The following HABP4 variants were observed in gnomAD, a reference collection of about 807,000 sequenced individuals.
The protein encoded by HABP4 is intracellular hyaluronan-binding protein 4.
In HABP4, 32 loss-of-function variants were observed where a neutral mutation model predicts 44.1. The observed-to-expected ratio is 0.73, with a 90% CI of 0.55 to 0.97. The LOEUF (loss-of-function observed/expected upper bound fraction) is 0.97. Ranked by LOEUF, HABP4 falls within the 50% of genes least tolerant of loss-of-function variation. The probability of loss-of-function intolerance (pLI) is 0.00; values close to 1 mark genes in which losing one functional copy is unlikely to be tolerated. For missense variants in HABP4, 503 were observed against 561.9 expected (o/e 0.90, Z 1.06); for synonymous variants, 216 against 218.0 (o/e 0.99, Z 0.08).
chr9:96,453,860 A>T (rs1256062173), intron 1 of HABP4, among the ~76,000 whole-genome samples: 2 of 152,132 alleles, frequency 1.3e-5, no homozygotes, highest in Non-Finnish European at 2.9e-5. Context: ...GGCAGTGTTG[A>T]TCTCTTAGTA....
At chr9:96,470,802 G>A (rs1288203783) in intron 4 of HABP4, among the ~76,000 whole-genome samples, 2 of 151,186 alleles carry the variant, frequency 1.3e-5, no homozygotes, top group Admixed American at 1.3e-4. Context: ...GAGGCTGAGG[G>A]AGGAGAATCA....
chr9:96,490,239 A>G lies in HABP4; in HGVS notation c.*201A>G. The G allele has an allele frequency of 3.4e-6, 2 of 586,904 alleles. No homozygotes were observed. The highest frequency in any genetic ancestry group is 4.3e-5 in the South Asian group (2 of 46,056). The allele number at this position is 586,904 out of a possible 1,614,324, so 36.4% of individuals were successfully genotyped here. On this transcript the variant is annotated 3_prime_UTR_variant, in exon 8 of 8. Transcript: ENST00000375249. ...AGCAGGCCATTTCCCAAGAAGATGA[A>G]GAATGGTGACTGTGTTTTTATTGAA... is the stretch of plus-strand genomic sequence containing the variant.
chr9:96,476,186 T>A (rs1564166438), intron 5 of HABP4, among the ~76,000 whole-genome samples: 1 of 152,192 alleles, frequency 6.6e-6, no homozygotes, highest in Non-Finnish European at 1.5e-5. Context: ...GGAACTTGCC[T>A]CTTCTATTTA....
At chr9:96,453,087 ATT>A (rs898977695) in intron 1 of HABP4, among the ~76,000 whole-genome samples, 1 of 92,576 alleles carries the variant, frequency 1.1e-5, no homozygotes, top group Non-Finnish European at 2.1e-5. Flanking sequence ...TGCCCGGCTA[ATT>A]TTTTTTTTTT....
At chr9:96,463,525 G>C (rs1168727113) in intron 2 of HABP4, among the ~76,000 whole-genome samples, 1 of 152,160 alleles carries the variant, frequency 6.6e-6, no homozygotes, top group Admixed American at 6.5e-5. Flanking sequence ...AAAGTGCTGG[G>C]ATTACAGGCG....
intron 2 of HABP4, among the ~76,000 whole-genome samples, chr9:96,459,572 ATAAAGT>A (rs1047055420): frequency 6.6e-6 from 1 of 152,194 alleles, no homozygotes; most frequent in African/African-American, 2.4e-5. Context: ...TTCAAGGAAA[ATAAAGT>A]TAAACAAGCT....
At position 96,490,836 on chromosome 9, in the gene HABP4, C is replaced by G. The variant is rs1009209750; in HGVS notation, c.*798C>G. On this transcript the variant is annotated 3_prime_UTR_variant, in exon 8 of 8. Coordinates refer to ENST00000375249, the MANE Select transcript of HABP4 (RefSeq NM_014282.4). The stretch of plus-strand genomic sequence containing the variant: ...CTTCCGCAGAACTAGAGTCAGAGTT[C>G]GGCAGCTGCGTACAAAGGCCTCTGC... The G allele has an allele frequency of 2.0e-5, 3 of 152,220 alleles. No individual in the cohort carries two copies. Among genetic ancestry groups the G allele is most frequent in the Non-Finnish European group, 2.9e-5 (2 of 68,050 alleles). The allele number at this position is 152,220 out of a possible 1,614,324, so 9.4% of individuals were successfully genotyped here. A position where few individuals can be genotyped will look rare whatever the true frequency, so the allele number is the denominator to read the frequency against.
In HABP4 at chr9:96,465,452, C is replaced by T. The variant is rs1486324956; in HGVS notation, c.628C>T (p.Gln210Ter). 1 of 1,612,106 alleles carries T rather than the reference C, an allele frequency of 6.2e-7. No individual in the cohort carries two copies. The highest frequency in any genetic ancestry group is 1.7e-5 in the Admixed American group (1 of 59,994). ...PGNRVFDAFD[Q>*]RGKREFERYG... Reference sequence around the variant, plus strand: ...GAACAGAGTTTTTGACGCTTTTGACCAGAGAGGAAAGCGAGAATTTGAAAG... The same window carrying T: ...GAACAGAGTTTTTGACGCTTTTGACTAGAGAGGAAAGCGAGAATTTGAAAG... The change falls in exon 3 of 8, where the codon CAG (glutamine) becomes TAG (stop). Residue 210 changes from glutamine (Q) to a stop codon, truncating the protein, a stop_gained. Coordinates refer to ENST00000375249, the MANE Select transcript of HABP4 (RefSeq NM_014282.4). LOFTEE classifies it high-confidence loss of function.
At position 96,451,484 on chromosome 9, in the gene HABP4, A is replaced by G; in HGVS notation, c.349+856A>G. Reference sequence around the variant, plus strand: ...TTCTTGAAATGAGGCAGCGGTCCCAAGGTTTGCAGAGTGTTAGGATTAAGA... The same window carrying G: ...TTCTTGAAATGAGGCAGCGGTCCCAGGGTTTGCAGAGTGTTAGGATTAAGA... On this transcript the variant is annotated intron_variant, in intron 1 of 7. Transcript: ENST00000375249. The G allele has an allele frequency of 4.1e-6, 4 of 984,804 alleles. No individual in the cohort carries two copies. In the African/African-American group the frequency reaches 5.2e-5, roughly 13 times the overall value. The allele number at this position is 984,804 out of a possible 1,614,324, so 61.0% of individuals were successfully genotyped here.
intron 5 of HABP4, among the ~76,000 whole-genome samples, chr9:96,472,122 C>T (rs1394735757): frequency 6.6e-6 from 1 of 152,078 alleles, no homozygotes; most frequent in African/African-American, 2.4e-5. Flanking sequence ...GCCTTCAACT[C>T]TCTGGCCCTT....
chr9:96,460,289 C>T (rs76148609), intron 2 of HABP4, among the ~76,000 whole-genome samples: 2 of 152,024 alleles, frequency 1.3e-5, no homozygotes, highest in Non-Finnish European at 2.9e-5. Context: ...CGAAGAATTT[C>T]CATCTGCCCT....
Position 96,462,957 on chromosome 9 carries a change from G to C in HABP4, c.513-2380G>C, listed in dbSNP as rs1286568988. Among the ~76,000 whole-genome samples, 3 of 152,020 alleles carry C rather than the reference G, an allele frequency of 2.0e-5. No individual in the cohort carries two copies. The East Asian group carries it at 5.8e-4, about 29-fold the overall frequency. On this transcript the variant is annotated intron_variant, in intron 2 of 7. Coordinates refer to ENST00000375249, the MANE Select transcript of HABP4 (RefSeq NM_014282.4). ...TTACTGTTACTTTTCTTTTGTTTTA[G>C]AACTGTACTTTAGATTTCTTTTTTT...
At chr9:96,478,321 C>CG (rs1273614576) in intron 5 of HABP4, among the ~76,000 whole-genome samples, 5 of 151,982 alleles carry the variant, frequency 3.3e-5, no homozygotes, top group Non-Finnish European at 1.5e-5. Context: ...TTAGTAGAGA[C>CG]GGGGTTTCAC....
At chr9:96,469,813 G>A (rs747844222) in intron 4 of HABP4, among the ~76,000 whole-genome samples, 72 of 152,192 alleles carry the variant, frequency 4.7e-4, no homozygotes, top group Middle Eastern at 3.4e-3. Flanking sequence ...GAGCCACCGC[G>A]CCCGGATGAT....
chr9:96,478,061 G>A (rs1832811647), intron 5 of HABP4, among the ~76,000 whole-genome samples: 1 of 152,194 alleles, frequency 6.6e-6, no homozygotes, highest in African/African-American at 2.4e-5. Flanking sequence ...TTATACAGGT[G>A]GACCACCATT....
chr9:96,489,904 A>G (rs1833057344), intron 7 of HABP4, 78 bp from the exon 8 acceptor site: 6 of 900,030 alleles, frequency 6.7e-6, no homozygotes, highest in Non-Finnish European at 1.1e-5. Flanking sequence ...CGTTGGTGCC[A>G]GGCCCTTGTT....
chr9:96,458,771 T>C (rs1447619146), intron 2 of HABP4, among the ~76,000 whole-genome samples: 1 of 152,042 alleles, frequency 6.6e-6, no homozygotes, highest in Non-Finnish European at 1.5e-5. Flanking sequence ...TACAGGCATG[T>C]GCCACCACGC....
intron 5 of HABP4, 108 bp from the exon 6 acceptor site, chr9:96,484,354 G>A (rs1383273443): frequency 1.7e-6 from 1 of 592,480 alleles, no homozygotes; most frequent in African/African-American, 1.9e-5. Flanking sequence ...CATTTGAAAT[G>A]CAGTACCACA....
At position 96,450,666 on chromosome 9, in the gene HABP4, G is replaced by A. The variant is rs561730696; in HGVS notation, c.349+38G>A. 1.6e-6 allele frequency: 2 copies of A among 1,238,272 alleles called. No individual in the cohort carries two copies. Among genetic ancestry groups the A allele is most frequent in the South Asian group, 3.3e-5 (1 of 29,970 alleles). 76.7% of individuals were successfully genotyped at this position (1,238,272 alleles called of 1,614,324 possible). ...AGCGGGGTTAGCGGACCACGGCTCGGCCCGCTGTGAGACTGGGGTCCCGGG... is the reference window on the plus strand; with the variant it reads ...AGCGGGGTTAGCGGACCACGGCTCGACCCGCTGTGAGACTGGGGTCCCGGG... On this transcript the variant is annotated intron_variant, in intron 1 of 7. Coordinates refer to ENST00000375249, the MANE Select transcript of HABP4 (RefSeq NM_014282.4). This position sits in a 1 kb window ranked among gnomAD's most constrained non-coding sequence, Gnocchi z 4.8.
Sources: allele counts gnomAD v4.1 joint callset (sites outside exome capture counted in the v4.1 genomes callset), GRCh38; gene constraint gnomAD v4.1.1; non-coding constraint Gnocchi (gnomAD v3.1); transcripts MANE v1.5; gene names NCBI Gene and HGNC (gene_info 2026-07-23, HGNC 2026-07-21).